TNR: variants seen among roughly 807,000 people sequenced by gnomAD.
The protein encoded by TNR is tenascin R.
Under a neutral mutation model 150.4 loss-of-function variants are expected in TNR, and 45 were observed. The observed-to-expected ratio is 0.30, with a 90% CI of 0.24 to 0.38. TNR has a LOEUF of 0.38. TNR is among the 10% of genes least tolerant of loss of function. TNR has a pLI of 1.00. For missense variants in TNR, 1,544 were observed against 1,759.1 expected, an observed-to-expected ratio of 0.88 and a Z score of 2.19; for synonymous variants, 687 against 678.4, an observed-to-expected ratio of 1.01 and a Z score of -0.20.
chr1:175,636,658 C>A (rs1447395162), intron 1 of TNR, among the ~76,000 whole-genome samples: 1 of 152,194 alleles, frequency 6.6e-6, no homozygotes, highest in Non-Finnish European at 1.5e-5. Flanking sequence ...TCTATAATTC[C>A]TCTGTGCAGT....
At chr1:175,454,910 G>T (rs945080037) in intron 2 of TNR, among the ~76,000 whole-genome samples, 1 of 152,164 alleles carries the variant, frequency 6.6e-6, no homozygotes, top group African/African-American at 2.4e-5. Flanking sequence ...CCCATCATAG[G>T]TGGGGTCTAT....
chr1:175,667,327 C>A (rs1249932309), intron 1 of TNR, among the ~76,000 whole-genome samples: 2 of 152,210 alleles, frequency 1.3e-5, no homozygotes, highest in African/African-American at 2.4e-5. Flanking sequence ...GAGGACCATG[C>A]TTTAGCTTTC....
intron 2 of TNR, among the ~76,000 whole-genome samples, chr1:175,473,204 C>G (rs1215903494): frequency 6.6e-6 from 1 of 152,106 alleles, no homozygotes; most frequent in African/African-American, 2.4e-5. Context: ...CAGTAGCAAA[C>G]CCCAGGCACA....
At chr1:175,600,518 T>C (rs1663192824) in intron 1 of TNR, among the ~76,000 whole-genome samples, 1 of 152,196 alleles carries the variant, frequency 6.6e-6, no homozygotes, top group Admixed American at 6.5e-5. Context: ...CACCAGACAC[T>C]GACTGTATTG....
chr1:175,581,331 A>G (rs982526829), intron 1 of TNR, among the ~76,000 whole-genome samples: 2 of 152,224 alleles, frequency 1.3e-5, no homozygotes, highest in Non-Finnish European at 2.9e-5. Context: ...ACAGGGGTTC[A>G]TCTGAGCAGA....
chr1:175,354,082 G>T (rs545447562), intron 18 of TNR, among the ~76,000 whole-genome samples: 3 of 152,268 alleles, frequency 2.0e-5, no homozygotes, highest in East Asian at 1.9e-4. Context: ...CTGACCTCAG[G>T]TAATCTGCCC....
intron 1 of TNR, among the ~76,000 whole-genome samples, chr1:175,530,004 A>T (rs576729183): frequency 6.6e-5 from 10 of 152,362 alleles, no homozygotes; most frequent in African/African-American, 2.2e-4. Context: ...TGTTTATTAC[A>T]TTTTAAAGTT....
At chr1:175,444,879 G>C (rs1655967612) in intron 2 of TNR, among the ~76,000 whole-genome samples, 1 of 152,218 alleles carries the variant, frequency 6.6e-6, no homozygotes, top group South Asian at 2.1e-4. Context: ...ATGACTCAGG[G>C]AGAGGGGAAA....
intron 2 of TNR, among the ~76,000 whole-genome samples, chr1:175,496,878 A>C (rs1371284587): frequency 6.6e-6 from 1 of 152,218 alleles, no homozygotes; most frequent in Non-Finnish European, 1.5e-5. Flanking sequence ...GTAGTATCTG[A>C]TGCTAACAGA....
chr1:175,370,173 A>G (rs1036282610), intron 9 of TNR, among the ~76,000 whole-genome samples: 2 of 152,088 alleles, frequency 1.3e-5, no homozygotes, highest in Admixed American at 1.3e-4. Flanking sequence ...CTTAACATCT[A>G]TGAACCTCAA....
intron 2 of TNR, among the ~76,000 whole-genome samples, chr1:175,435,182 G>C (rs1377737363): frequency 6.6e-6 from 1 of 152,184 alleles, no homozygotes; most frequent in Non-Finnish European, 1.5e-5. Flanking sequence ...AGGGGTGCAA[G>C]TTGGAAGTAG....
chr1:175,334,468 C>T (rs1650123099), intron 20 of TNR, among the ~76,000 whole-genome samples: 3 of 152,232 alleles, frequency 2.0e-5, no homozygotes, highest in Admixed American at 6.5e-5. Flanking sequence ...TCCCTTACTG[C>T]TCAGGGTCAT....
At chr1:175,370,076 G>A (rs1039024401) in intron 9 of TNR, among the ~76,000 whole-genome samples, 1 of 152,142 alleles carries the variant, frequency 6.6e-6, no homozygotes, top group African/African-American at 2.4e-5. Context: ...AACACCAGTG[G>A]AGGTAAACTT....
At chr1:175,364,531 T>C (rs1247927422) in intron 12 of TNR, among the ~76,000 whole-genome samples, 1 of 152,196 alleles carries the variant, frequency 6.6e-6, no homozygotes, top group African/African-American at 2.4e-5. Context: ...CTGTGTTTTC[T>C]AAGCAACATC....
At chr1:175,693,456 T>TC (rs1196058783) in intron 1 of TNR, among the ~76,000 whole-genome samples, 1 of 152,200 alleles carries the variant, frequency 6.6e-6, no homozygotes, top group Non-Finnish European at 1.5e-5. Flanking sequence ...TAGAGCCCCG[T>TC]CTCCATTGAT....
At position 175,319,319 on chromosome 1, in the gene TNR, G is replaced by A. The variant is rs1268588917; in HGVS notation, c.*4038C>T. ...CATGTTCTGTCTTTTCTCCAGAGGA[G>A]AGGACAAAGAGGAACTCATAAACTC... On this transcript the variant is annotated 3_prime_UTR_variant, in exon 23 of 23. Coordinates refer to ENST00000367674, the MANE Select transcript of TNR (RefSeq NM_003285.3). 1.3e-5 allele frequency: 2 copies of A among 152,238 alleles called. No homozygotes were observed. The highest frequency in any genetic ancestry group is 2.9e-5 in the Non-Finnish European group (2 of 68,044). 9.4% of individuals were successfully genotyped at this position (152,238 alleles called of 1,614,324 possible).
intron 1 of TNR, among the ~76,000 whole-genome samples, chr1:175,719,577 A>G (rs1042284297): frequency 6.6e-6 from 1 of 152,238 alleles, no homozygotes; most frequent in African/African-American, 2.4e-5. Flanking sequence ...TTGTCCTGGG[A>G]TGCAGTAAGC....
intron 9 of TNR, among the ~76,000 whole-genome samples, chr1:175,368,230 A>G (rs1264174365): frequency 1.3e-5 from 2 of 152,230 alleles, no homozygotes; most frequent in African/African-American, 4.8e-5. Context: ...CTGCAGTCTA[A>G]AGTAGTTCAG....
At chr1:175,385,981 G>A (rs1652895981) in intron 8 of TNR, 51 bp downstream of exon 8, 1 of 1,517,952 alleles carries the variant, frequency 6.6e-7, no homozygotes, top group East Asian at 2.3e-5. Flanking sequence ...CCACCGGTTG[G>A]CTCCACCCCT....
Sources: allele counts gnomAD v4.1 joint callset (sites outside exome capture counted in the v4.1 genomes callset), GRCh38; gene constraint gnomAD v4.1.1; transcripts MANE v1.5; gene names NCBI Gene and HGNC (gene_info 2026-07-23, HGNC 2026-07-21).